PPARGC1B: variants seen among roughly 807,000 people sequenced by gnomAD.
PPARGC1B encodes peroxisome proliferator-activated receptor gamma coactivator 1-beta.
A neutral mutation model predicts 101.6 loss-of-function variants in PPARGC1B; 34 were observed. The ratio of observed to expected loss-of-function variants is 0.33; its 90% CI spans 0.25 to 0.45. The LOEUF (loss-of-function observed/expected upper bound fraction) is 0.45. Ranked by LOEUF, PPARGC1B falls within the 20% of genes least tolerant of loss-of-function variation. PPARGC1B has a pLI of 1.00. For synonymous variants in PPARGC1B, 548 were observed against 539.3 expected (o/e 1.02, Z -0.22); for missense variants, 1,234 against 1,317.6 (o/e 0.94, Z 0.98).
Position 149,854,172 on chromosome 5 carries a change from T to C in PPARGC1B, c.*6614T>C, listed in dbSNP as rs990961785. 1 of 152,224 alleles carries C rather than the reference T, an allele frequency of 6.6e-6. No homozygotes were observed. Among genetic ancestry groups the C allele is most frequent in the Non-Finnish European group, 1.5e-5 (1 of 68,042 alleles). The allele number at this position is 152,224 out of a possible 1,614,324, so 9.4% of individuals were successfully genotyped here. A position where few individuals can be genotyped will look rare whatever the true frequency, so the allele number is the denominator to read the frequency against. On this transcript the variant is annotated 3_prime_UTR_variant, in exon 12 of 12. Transcript: ENST00000309241. ...AATTCTGAGCAATAGGAGCCAGGGC[T>C]TTCCCTGACTCTGCGACAGGGTCAA... is the stretch of plus-strand genomic sequence containing the variant.
chr5:149,840,774 A>T (rs1239650106), intron 9 of PPARGC1B, among the ~76,000 whole-genome samples: 3 of 152,148 alleles, frequency 2.0e-5, no homozygotes, highest in Admixed American at 6.5e-5. Context: ...AGGCTATGTC[A>T]CTAGAAAGGA....
intron 1 of PPARGC1B, among the ~76,000 whole-genome samples, chr5:149,747,274 A>C (rs570127387): frequency 6.6e-6 from 1 of 152,308 alleles, no homozygotes; most frequent in East Asian, 1.9e-4. Context: ...TAATGTTTAT[A>C]TATGGTGTAA....
At chr5:149,749,740 G>C (rs1755220273) in intron 1 of PPARGC1B, among the ~76,000 whole-genome samples, 9 of 152,202 alleles carry the variant, frequency 5.9e-5, no homozygotes, top group Admixed American at 5.2e-4. Flanking sequence ...CCTCTTTGCT[G>C]TGTGACCTTG....
intron 9 of PPARGC1B, among the ~76,000 whole-genome samples, chr5:149,841,983 A>T (rs997492525): frequency 3.3e-5 from 5 of 152,174 alleles, no homozygotes; most frequent in African/African-American, 1.2e-4. Context: ...AATGGTGATA[A>T]ATCCCTCCCC....
intron 3 of PPARGC1B, 63 bp downstream of exon 3, chr5:149,826,948 C>A: frequency 7.6e-7 from 1 of 1,315,420 alleles, no homozygotes; most frequent in Non-Finnish European, 1.1e-6. Flanking sequence ...TGGTTCAGGG[C>A]ATGGGGTGCA....
At chr5:149,819,137 A>G (rs1758173875) in intron 1 of PPARGC1B, among the ~76,000 whole-genome samples, 1 of 152,196 alleles carries the variant, frequency 6.6e-6, no homozygotes, top group Non-Finnish European at 1.5e-5. Context: ...TTTCCAACAT[A>G]CCAGGTTTCC....
intron 1 of PPARGC1B, among the ~76,000 whole-genome samples, chr5:149,733,149 G>A (rs1225541700): frequency 6.6e-6 from 1 of 152,164 alleles, no homozygotes. Context: ...TGGATTAAAT[G>A]GTAATTCATT....
intron 1 of PPARGC1B, among the ~76,000 whole-genome samples, chr5:149,800,505 ACT>A (rs1345617694): frequency 2.0e-5 from 3 of 152,166 alleles, no homozygotes; most frequent in Admixed American, 2.0e-4. Flanking sequence ...CAGTTTCAGC[ACT>A]CTCTAGCTGT....
intron 1 of PPARGC1B, among the ~76,000 whole-genome samples, chr5:149,757,251 C>T (rs138981029): frequency 6.6e-6 from 1 of 151,952 alleles, no homozygotes; most frequent in Non-Finnish European, 1.5e-5. Flanking sequence ...GCAGAGGCAT[C>T]GAGTGGCTAA....
At chr5:149,754,982 T>C (rs1192328924) in intron 1 of PPARGC1B, among the ~76,000 whole-genome samples, 1 of 148,206 alleles carries the variant, frequency 6.7e-6, no homozygotes, top group African/African-American at 2.5e-5. Context: ...ACACACACTA[T>C]ATATATACAC....
At chr5:149,784,789 G>C (rs1374031257) in intron 1 of PPARGC1B, among the ~76,000 whole-genome samples, 3 of 151,718 alleles carry the variant, frequency 2.0e-5, no homozygotes, top group African/African-American at 7.3e-5. Context: ...GGATGGTCTC[G>C]ATCTCCTGAC....
chr5:149,817,801 A>G, intron 1 of PPARGC1B: 1 of 456,780 alleles, frequency 2.2e-6, no homozygotes, highest in Non-Finnish European at 4.4e-6. Context: ...TCATTGTGGA[A>G]AACAGTTTTC....
chr5:149,814,585 A>G (rs1230137319), intron 1 of PPARGC1B, among the ~76,000 whole-genome samples: 1 of 152,118 alleles, frequency 6.6e-6, no homozygotes, highest in East Asian at 1.9e-4. Context: ...CACCTCCTCC[A>G]GCTTCCTTCC....
intron 1 of PPARGC1B, among the ~76,000 whole-genome samples, chr5:149,814,370 C>T (rs189892426): frequency 2.0e-5 from 3 of 152,176 alleles, no homozygotes; most frequent in Admixed American, 6.5e-5. Flanking sequence ...GTGTTTCCCC[C>T]CTATGTGGAT....
intron 1 of PPARGC1B, among the ~76,000 whole-genome samples, chr5:149,778,495 A>C (rs1756477927): frequency 3.3e-5 from 5 of 151,994 alleles, no homozygotes; most frequent in Admixed American, 1.3e-4. Context: ...GAGTACCTGC[A>C]TCCCTGCCAT....
At chr5:149,857,613 A>ACC (rs1010282547), downstream of PPARGC1B, among the ~76,000 whole-genome samples, 21 of 152,276 alleles carry the variant, frequency 1.4e-4, no homozygotes, top group Non-Finnish European at 2.4e-4. Context: ...CAAGTTCCAG[A>ACC]CCCAGTTCTC....
At chr5:149,819,148 A>C (rs917818059) in intron 1 of PPARGC1B, among the ~76,000 whole-genome samples, 4 of 152,208 alleles carry the variant, frequency 2.6e-5, no homozygotes, top group African/African-American at 9.7e-5. Flanking sequence ...CCAGGTTTCC[A>C]GGTGATTCTG....
intron 1 of PPARGC1B, among the ~76,000 whole-genome samples, chr5:149,811,596 A>G (rs1423912653): frequency 3.3e-5 from 5 of 152,166 alleles, no homozygotes; most frequent in African/African-American, 4.8e-5. Context: ...GGCATTAGTA[A>G]AGGGTGTTAT....
chr5:149,796,394 T>C (rs1307769026), intron 1 of PPARGC1B, among the ~76,000 whole-genome samples: 2 of 152,204 alleles, frequency 1.3e-5, no homozygotes, highest in African/African-American at 4.8e-5. Flanking sequence ...CAGAAGAGGA[T>C]GCTGGCAGGG....
Sources: gnomAD v4.1 joint callset for allele counts (sites outside exome capture counted in the v4.1 genomes callset) on GRCh38, gnomAD v4.1.1 for gene constraint, MANE v1.5 for transcripts, NCBI Gene and HGNC (gene_info 2026-07-23, HGNC 2026-07-21) for gene names.